TMEM132B: variants seen among roughly 807,000 people sequenced by gnomAD.
The protein encoded by TMEM132B is transmembrane protein 132B.
A neutral mutation model predicts 90.8 loss-of-function variants in TMEM132B; 18 were observed. That is an observed-to-expected ratio of 0.20 (90% CI 0.14 to 0.29). The LOEUF (loss-of-function observed/expected upper bound fraction) is 0.29. Ranked by LOEUF, TMEM132B falls within the 10% of genes least tolerant of loss-of-function variation. TMEM132B has a pLI of 1.00. For synonymous variants in TMEM132B, 504 were observed against 523.3 expected, an observed-to-expected ratio of 0.96 and a Z score of 0.50; for missense variants, 1,096 against 1,326.8, an observed-to-expected ratio of 0.83 and a Z score of 2.70.
At chr12:125,238,366 C>CAAAAAAAAAAAAAAAAAAAAA (rs762032967) in intron 1 of TMEM132B, among the ~76,000 whole-genome samples, 6 of 111,576 alleles carry the variant, frequency 5.4e-5, no homozygotes, top group Non-Finnish European at 7.3e-5. Context: ...AAAAAAAAAC[C>CAAAAAAAAAAAAAAAAAAAAA]AAAAAAAAAA....
chr12:125,333,703 G>T (rs1349437349), intron 1 of TMEM132B, among the ~76,000 whole-genome samples: 1 of 152,160 alleles, frequency 6.6e-6, no homozygotes, highest in Non-Finnish European at 1.5e-5. Context: ...TTACTGCTGG[G>T]TAAGAATGCA....
In TMEM132B at chr12:125,458,972, G is replaced by A. The variant is rs930318087; in HGVS notation, c.1106+43295G>A. On this transcript the variant is annotated intron_variant, in intron 3 of 8. Coordinates refer to ENST00000682704, the MANE Select transcript of TMEM132B (RefSeq NM_001366854.1). This position sits in a 1 kb window ranked among gnomAD's most constrained non-coding sequence, Gnocchi z 4.9. ...TCCATCAGGGAGAGACAAAATAGGTGTGTGGTCATGGAGCTCAGATTCCCT... is the reference window on the plus strand; with the variant it reads ...TCCATCAGGGAGAGACAAAATAGGTATGTGGTCATGGAGCTCAGATTCCCT... Among the ~76,000 whole-genome samples, 1 of 152,204 alleles carries A rather than the reference G, an allele frequency of 6.6e-6. No homozygotes were observed. The highest frequency in any genetic ancestry group is 2.4e-5 in the African/African-American group (1 of 41,446).
chr12:125,509,149 C>A lies in TMEM132B; in HGVS notation c.1107-10290C>A, dbSNP rs149698007. Among the ~76,000 whole-genome samples, 26 of 152,286 alleles carry A rather than the reference C, an allele frequency of 1.7e-4. No individual in the cohort carries two copies. In the East Asian group the frequency reaches 4.2e-3, roughly 25 times the overall value. On this transcript the variant is annotated intron_variant, in intron 3 of 8. Transcript: ENST00000682704. ...TCCCCCTGTGGATATATAACAGGCA[C>A]AGGGCTGGGGACCTAGTGGTCACTC...
At chr12:125,624,833 G>A (rs1886192262) in intron 5 of TMEM132B, among the ~76,000 whole-genome samples, 1 of 152,196 alleles carries the variant, frequency 6.6e-6, no homozygotes, top group Admixed American at 6.5e-5. Context: ...ACTTTAGTGA[G>A]ATCCTCCAAA....
At chr12:125,405,297 C>T (rs996583953) in intron 2 of TMEM132B, among the ~76,000 whole-genome samples, 21 of 152,280 alleles carry the variant, frequency 1.4e-4, no homozygotes, top group African/African-American at 3.4e-4. Flanking sequence ...GACTTCACAT[C>T]GCTGCCTTCT....
intron 4 of TMEM132B, among the ~76,000 whole-genome samples, chr12:125,571,204 C>G (rs529899367): frequency 1.3e-5 from 2 of 152,316 alleles, no homozygotes; most frequent in South Asian, 4.1e-4. Context: ...AATGTTTTTG[C>G]TCCCATCCTG....
intron 5 of TMEM132B, among the ~76,000 whole-genome samples, chr12:125,598,546 G>A (rs868278719): frequency 6.6e-6 from 1 of 152,168 alleles, no homozygotes; most frequent in African/African-American, 2.4e-5. Flanking sequence ...AGCCCCAAGA[G>A]TGCCAAGAGT....
At chr12:125,287,013 T>C (rs965539003) in intron 1 of TMEM132B, among the ~76,000 whole-genome samples, 2 of 47,662 alleles carry the variant, frequency 4.2e-5, no homozygotes, top group African/African-American at 1.3e-4. Context: ...AGAATTCCTC[T>C]TTTTTTTTTT....
intron 2 of TMEM132B, among the ~76,000 whole-genome samples, chr12:125,370,154 G>A (rs191591002): frequency 1.3e-5 from 2 of 152,304 alleles, no homozygotes; most frequent in Admixed American, 6.5e-5. Flanking sequence ...CTTAAGATCG[G>A]CTGCATGTGG....
At chr12:125,359,339 G>T (rs1215293773) in intron 2 of TMEM132B, among the ~76,000 whole-genome samples, 1 of 152,046 alleles carries the variant, frequency 6.6e-6, no homozygotes, top group Non-Finnish European at 1.5e-5. Context: ...TATTAGTTAT[G>T]TTTTTTCCAA....
intron 4 of TMEM132B, among the ~76,000 whole-genome samples, chr12:125,569,369 G>A (rs1002212903): frequency 1.3e-5 from 2 of 152,140 alleles, no homozygotes; most frequent in African/African-American, 4.8e-5. Context: ...CAGGACTTTT[G>A]ACTCTGAGTT....
intron 1 of TMEM132B, among the ~76,000 whole-genome samples, chr12:125,275,476 A>G (rs1425530150): frequency 6.6e-6 from 1 of 152,204 alleles, no homozygotes; most frequent in African/African-American, 2.4e-5. Context: ...TTTCAGGAGA[A>G]ATGCAAGAAA....
rs554924533 is a variant in TMEM132B at position 125,644,263 on chromosome 12, C to T, written c.1625C>T (p.Pro542Leu). 3.8e-5 allele frequency: 61 copies of T among 1,614,124 alleles called. No homozygotes were observed. Among genetic ancestry groups the T allele is most frequent in the Middle Eastern group, 3.3e-4 (2 of 6,060 alleles). Residue 542 changes from proline (P) to leucine (L), a missense_variant, in exon 6 of 9, where the codon CCG becomes CTG. By Grantham distance (98) the Pro-to-Leu change is moderately conservative. Coordinates refer to ENST00000682704, the MANE Select transcript of TMEM132B (RefSeq NM_001366854.1). The stretch of plus-strand genomic sequence containing the variant: ...AGCCAGATCAAGGGCTGGAGGATCC[C>T]GGTTGCTGCCAACAGAAGGTGAGGA... ...ELSQIKGWRI[P>L]VAANRRPTRE...
At chr12:125,373,512 A>G (rs995956925) in intron 2 of TMEM132B, among the ~76,000 whole-genome samples, 2 of 152,188 alleles carry the variant, frequency 1.3e-5, no homozygotes, top group African/African-American at 2.4e-5. Flanking sequence ...AAACACCTTC[A>G]TCTTGGACTT....
At chr12:125,388,740 A>C in intron 2 of TMEM132B, among the ~76,000 whole-genome samples, 1 of 152,226 alleles carries the variant, frequency 6.6e-6, no homozygotes, top group East Asian at 1.9e-4. Flanking sequence ...GCATAGATAC[A>C]CAAGGTGAAA....
intron 3 of TMEM132B, among the ~76,000 whole-genome samples, chr12:125,515,392 C>T (rs973328086): frequency 4.3e-5 from 4 of 92,758 alleles, no homozygotes; most frequent in Non-Finnish European, 8.0e-5. Flanking sequence ...TTCACACATT[C>T]TCTCACAAAT....
At chr12:125,563,179 A>AATAATT (rs1372611773) in intron 4 of TMEM132B, among the ~76,000 whole-genome samples, 1 of 149,544 alleles carries the variant, frequency 6.7e-6, no homozygotes, top group East Asian at 1.9e-4. Context: ...TAATAATAAT[A>AATAATT]ATAATAATAA....
intron 1 of TMEM132B, among the ~76,000 whole-genome samples, chr12:125,204,343 A>G (rs112542874): frequency 9.2e-5 from 10 of 108,988 alleles, no homozygotes; most frequent in Non-Finnish European, 1.5e-4. Context: ...TTTGTGTGGA[A>G]TATCTCGTGA....
At chr12:125,576,332 G>C (rs1421233566) in intron 4 of TMEM132B, among the ~76,000 whole-genome samples, 2 of 151,876 alleles carry the variant, frequency 1.3e-5, no homozygotes, top group African/African-American at 4.8e-5. Context: ...CCTGAAATTT[G>C]CTGAACTCCT....
Sources: allele counts gnomAD v4.1 joint callset (sites outside exome capture counted in the v4.1 genomes callset), GRCh38; gene constraint gnomAD v4.1.1; non-coding constraint Gnocchi (gnomAD v3.1); transcripts MANE v1.5; gene names NCBI Gene and HGNC (gene_info 2026-07-23, HGNC 2026-07-21).